The following SYNDIG1L variants were observed in gnomAD, a reference collection of about 807,000 sequenced individuals.
SYNDIG1L encodes the protein synapse differentiation inducing 1 like.
Under a neutral mutation model 20.1 loss-of-function variants are expected in SYNDIG1L, and 13 were observed. The observed-to-expected ratio is 0.65, with a 90% CI of 0.42 to 1.03. The LOEUF is 1.03. Ranked by LOEUF, SYNDIG1L falls within the 50% of genes least tolerant of loss-of-function variation. SYNDIG1L has a pLI of 0.00. For missense variants in SYNDIG1L, 294 were observed against 305.1 expected (o/e 0.96, Z 0.27); for synonymous variants, 128 against 129.3 (o/e 0.99, Z 0.07).
the SYNDIG1L span, among the ~76,000 whole-genome samples, chr14:74,442,786 T>C: frequency 1.6e-4 from 24 of 152,144 alleles, no homozygotes; most frequent in Non-Finnish European, 3.4e-4. Flanking sequence ...GGAGATAAAA[T>C]TGACAGGATT....
At chr14:74,432,180 T>TGTGAGA in the SYNDIG1L span, among the ~76,000 whole-genome samples, 502 of 124,122 alleles carry the variant, frequency 4.0e-3, 2 homozygotes, top group African/African-American at 0.011. Flanking sequence ...TGTGTGTGTG[T>TGTGAGA]GAGAGAGAGA....
chr14:74,462,416 G>A, the SYNDIG1L span, among the ~76,000 whole-genome samples: 1 of 151,996 alleles, frequency 6.6e-6, no homozygotes, highest in Non-Finnish European at 1.5e-5. Context: ...TCCGGGAGGT[G>A]GAGGTTGCAG....
chr14:74,416,155 CTTTAT>C (rs1440409640), intron 1 of SYNDIG1L, among the ~76,000 whole-genome samples: 3 of 151,914 alleles, frequency 2.0e-5, no homozygotes, highest in Non-Finnish European at 2.9e-5. Context: ...AAATGTATCT[CTTTAT>C]TTTATTTTAT....
chr14:74,409,673 G>A lies in SYNDIG1L; in HGVS notation c.72C>T (p.Pro24=). The A allele has an allele frequency of 6.0e-6, 9 of 1,496,740 alleles. No homozygotes were observed. Among genetic ancestry groups the A allele is most frequent in the Non-Finnish European group, 8.0e-6 (9 of 1,123,804 alleles). The allele number at this position is 1,496,740 out of a possible 1,614,324, so 92.7% of individuals were successfully genotyped here. Reference sequence around the variant, plus strand: ...ACCAGCTGGGTGGGGTCTCCGGGTAGGGATAGGGGCCATGGAGATGGGCAG... The same window carrying A: ...ACCAGCTGGGTGGGGTCTCCGGGTAAGGATAGGGGCCATGGAGATGGGCAG... ...RSPAHLHGPY[P]YPETPPSWSC... is the part of the protein sequence containing the mutation. The change falls in exon 2 of 4, where the codon CCC becomes CCT. Residue 24 remains proline (P), a synonymous_variant. Coordinates refer to ENST00000331628, the MANE Select transcript of SYNDIG1L (RefSeq NM_001105579.2).
At chr14:74,418,448 C>T (rs1264798428) in intron 1 of SYNDIG1L, among the ~76,000 whole-genome samples, 2 of 152,250 alleles carry the variant, frequency 1.3e-5, no homozygotes, top group African/African-American at 4.8e-5. Context: ...TTCCTAATGG[C>T]ACTTCAACAT....
chr14:74,421,190 A>G (rs1046001819), intron 1 of SYNDIG1L, among the ~76,000 whole-genome samples: 3 of 152,238 alleles, frequency 2.0e-5, no homozygotes, highest in African/African-American at 7.2e-5. Flanking sequence ...CTGCTATGAA[A>G]AAGGAGCAAT....
At chr14:74,434,362 C>T in the SYNDIG1L span, among the ~76,000 whole-genome samples, 244 of 152,060 alleles carry the variant, frequency 1.6e-3, 1 homozygote, top group African/African-American at 5.7e-3. Flanking sequence ...GGGGAGTGAC[C>T]TCTACCCCTG....
At position 74,409,784 on chromosome 14, in the gene SYNDIG1L, C is replaced by A. The variant is rs751860973; in HGVS notation, c.-40G>T. On this transcript the variant is annotated 5_prime_UTR_variant, in exon 2 of 4. Transcript: ENST00000331628. ...TGCTGGGGAGGGGGGCCTGGGCCAG[C>A]TGAGCAGTCCTCAGAGCCTGTCAGA... 2.1e-6 allele frequency: 3 copies of A among 1,413,704 alleles called. No individual in the cohort carries two copies. Among genetic ancestry groups the A allele is most frequent in the East Asian group, 5.1e-5 (2 of 39,094 alleles). The allele number at this position is 1,413,704 out of a possible 1,614,324, so 87.6% of individuals were successfully genotyped here. A position where few individuals can be genotyped will look rare whatever the true frequency, so the allele number is the denominator to read the frequency against.
chr14:74,430,720 C>A (rs548133766), upstream of SYNDIG1L, among the ~76,000 whole-genome samples: 1 of 152,062 alleles, frequency 6.6e-6, no homozygotes, highest in Non-Finnish European at 1.5e-5. Flanking sequence ...CAGGCGTAAG[C>A]CAACATGCCC....
chr14:74,432,180 T>TGAGA, the SYNDIG1L span, among the ~76,000 whole-genome samples: 98 of 124,130 alleles, frequency 7.9e-4, no homozygotes, highest in African/African-American at 1.3e-3. Flanking sequence ...TGTGTGTGTG[T>TGAGA]GAGAGAGAGA....
chr14:74,414,041 G>T (rs987124421), intron 1 of SYNDIG1L, among the ~76,000 whole-genome samples: 1 of 152,224 alleles, frequency 6.6e-6, no homozygotes, highest in Non-Finnish European at 1.5e-5. Context: ...GCTTGGCCTG[G>T]CCTTTCAGCC....
the SYNDIG1L span, among the ~76,000 whole-genome samples, chr14:74,463,028 T>C: frequency 2.6e-5 from 4 of 152,270 alleles, no homozygotes; most frequent in Middle Eastern, 3.4e-3. Flanking sequence ...TGGGGGACAT[T>C]TGGAGGCTGG....
chr14:74,409,823 C>T (rs1404180277), intron 1 of SYNDIG1L, 22 bp from the exon 2 acceptor site: 23 of 1,356,868 alleles, frequency 1.7e-5, no homozygotes, highest in African/African-American at 4.4e-5. Context: ...GCAAGACAGA[C>T]AAGCACTGAG....
the SYNDIG1L span, among the ~76,000 whole-genome samples, chr14:74,464,155 A>T: frequency 6.6e-6 from 1 of 152,100 alleles, no homozygotes; most frequent in Non-Finnish European, 1.5e-5. Context: ...AAGAGGCCAG[A>T]GGGTAGGGTT....
chr14:74,418,121 G>T (rs1321250508), intron 1 of SYNDIG1L, among the ~76,000 whole-genome samples: 1 of 152,226 alleles, frequency 6.6e-6, no homozygotes, highest in East Asian at 1.9e-4. Context: ...ATCAGATCAT[G>T]TATAAACTGT....
At chr14:74,455,458 C>T in the SYNDIG1L span, among the ~76,000 whole-genome samples, 1 of 145,140 alleles carries the variant, frequency 6.9e-6, no homozygotes, top group Non-Finnish European at 1.5e-5. Flanking sequence ...TGCAGTGGTG[C>T]GATCTTGGCT....
At chr14:74,451,489 A>G in the SYNDIG1L span, among the ~76,000 whole-genome samples, 1 of 152,230 alleles carries the variant, frequency 6.6e-6, no homozygotes, top group African/African-American at 2.4e-5. Context: ...GACATTGGAA[A>G]AAAATCTTTG....
At chr14:74,440,386 G>C in the SYNDIG1L span, among the ~76,000 whole-genome samples, 127 of 152,126 alleles carry the variant, frequency 8.3e-4, no homozygotes, top group African/African-American at 2.8e-3. Flanking sequence ...TGGTTGCAGG[G>C]GCCTGTAGTC....
the SYNDIG1L span, among the ~76,000 whole-genome samples, chr14:74,459,510 AAACAG>A: frequency 6.6e-6 from 1 of 152,162 alleles, no homozygotes; most frequent in African/African-American, 2.4e-5. Flanking sequence ...TCTCAAAACA[AAACAG>A]AACAGTTCTC....
Sources: allele counts gnomAD v4.1 joint callset (sites outside exome capture counted in the v4.1 genomes callset), GRCh38; gene constraint gnomAD v4.1.1; transcripts MANE v1.5; gene names NCBI Gene and HGNC (gene_info 2026-07-23, HGNC 2026-07-21).